Variants in DDAH1 observed in about 807,000 individuals in gnomAD.
The protein encoded by DDAH1 is dimethylarginine dimethylaminohydrolase 1, also known as N(G),N(G)-dimethylarginine dimethylaminohydrolase 1.
In DDAH1, 19 loss-of-function variants were observed where a neutral mutation model predicts 28.8. The observed-to-expected ratio is 0.66, with a 90% CI of 0.46 to 0.97. The LOEUF (loss-of-function observed/expected upper bound fraction) is 0.97. DDAH1 is among the 50% of genes least tolerant of loss of function. The pLI, the probability that DDAH1 is intolerant of heterozygous loss-of-function variation, is 0.00. For synonymous variants in DDAH1, 153 were observed against 154.4 expected, an observed-to-expected ratio of 0.99 and a Z score of 0.07; for missense variants, 326 against 375.9, an observed-to-expected ratio of 0.87 and a Z score of 1.10.
At chr1:85,465,643 T>C (rs1655350269), upstream of DDAH1, among the ~76,000 whole-genome samples, 1 of 152,204 alleles carries the variant, frequency 6.6e-6, no homozygotes, top group Non-Finnish European at 1.5e-5. Context: ...TTTTCTGGCC[T>C]TACCTAAAGT....
At chr1:85,578,007 C>G in exon 1 of DDAH1, 1 of 985,496 alleles carries the variant, frequency 1.0e-6, no homozygotes, top group African/African-American at 1.7e-5. Flanking sequence ...CACATTTCGC[C>G]TCCTGTCCGT....
intron 1 of DDAH1, among the ~76,000 whole-genome samples, chr1:85,461,833 G>T (rs74435768): frequency 6.6e-6 from 1 of 152,240 alleles, no homozygotes; most frequent in Non-Finnish European, 1.5e-5. Context: ...AGTTTATAGC[G>T]TTTTAGGAGC....
chr1:85,428,424 AAG>A (rs1281779036), intron 1 of DDAH1, among the ~76,000 whole-genome samples: 6 of 152,066 alleles, frequency 3.9e-5, no homozygotes, highest in Admixed American at 2.0e-4. Flanking sequence ...CAGAACTCAT[AAG>A]ACTTATTCAT....
chr1:85,369,018 G>A (rs945248819), intron 1 of DDAH1, among the ~76,000 whole-genome samples: 3 of 149,998 alleles, frequency 2.0e-5, no homozygotes, highest in Non-Finnish European at 4.4e-5. Flanking sequence ...CTGGGTCAGA[G>A]ATTCCTTCTG....
intron 1 of DDAH1, among the ~76,000 whole-genome samples, chr1:85,548,124 T>A (rs918354001): frequency 1.3e-5 from 2 of 152,240 alleles, no homozygotes; most frequent in African/African-American, 4.8e-5. Context: ...CAAAATATAT[T>A]TAATTTGACT....
chr1:85,541,471 A>T (rs548825526), intron 1 of DDAH1, among the ~76,000 whole-genome samples: 11 of 152,286 alleles, frequency 7.2e-5, no homozygotes, highest in African/African-American at 2.4e-4. Flanking sequence ...TTATTTTTTT[A>T]AAAAAGTACT....
chr1:85,527,832 T>C (rs1219639762), intron 1 of DDAH1, among the ~76,000 whole-genome samples: 2 of 152,216 alleles, frequency 1.3e-5, no homozygotes, highest in Admixed American at 6.5e-5. Flanking sequence ...AAGTTCTATT[T>C]TGAATTACAT....
intron 1 of DDAH1, among the ~76,000 whole-genome samples, chr1:85,439,094 A>G (rs528283651): frequency 4.6e-5 from 7 of 152,236 alleles, no homozygotes; most frequent in Non-Finnish European, 1.0e-4. Flanking sequence ...AGCTGATAAA[A>G]ATGCTTAATT....
At chr1:85,569,712 C>A (rs1430477786) in intron 1 of DDAH1, among the ~76,000 whole-genome samples, 1 of 152,188 alleles carries the variant, frequency 6.6e-6, no homozygotes, top group East Asian at 1.9e-4. Flanking sequence ...TTCTCCTGAA[C>A]TGGGACTCAA....
rs774444220 is a variant in DDAH1, at chr1:85,464,827, G to A, written c.219C>T (p.Asp73=). Residue 73 remains aspartate (D), a synonymous_variant, in exon 1 of 6, where the codon GAC becomes GAT. Coordinates refer to ENST00000284031, the MANE Select transcript of DDAH1 (RefSeq NM_012137.4). The surrounding 1 kb of genome is among the most constrained non-coding windows in gnomAD (Gnocchi z 4.4). ...VELPADESLP[D]CVFVEDVAVV... is the part of the protein sequence containing the mutation. ...CGGCCACGTCCTCCACGAAGACGCA[G>A]TCCGGAAGGCTCTCGTCGGCCGGCA... The A allele has an allele frequency of 5.0e-6, 8 of 1,589,006 alleles. No homozygotes were observed. Among genetic ancestry groups the A allele is most frequent in the South Asian group, 2.2e-5 (2 of 89,206 alleles).
At chr1:85,321,778 C>G (rs1291746902) in intron 5 of DDAH1, among the ~76,000 whole-genome samples, 2 of 152,124 alleles carry the variant, frequency 1.3e-5, no homozygotes, top group Non-Finnish European at 2.9e-5. Context: ...AACCTCAAGG[C>G]CAAAGATGTG....
intron 2 of DDAH1, 77 bp from the exon 3 acceptor site, chr1:85,351,656 G>T: frequency 1.8e-6 from 2 of 1,087,578 alleles, no homozygotes; most frequent in South Asian, 2.5e-5. Context: ...TATAAATAAT[G>T]ACCTTAAAGC....
At position 85,370,544 on chromosome 1, in the gene DDAH1, G is replaced by T. The variant is rs557381136; in HGVS notation, c.304-11697C>A. On this transcript the variant is annotated intron_variant, in intron 1 of 5. Transcript: ENST00000284031. ...CTGGATAGCTGCTTTGTGGAAAATG[G>T]ATTGGAAGGCACAAATGGAAACAGG... is the stretch of plus-strand genomic sequence containing the variant. Among the ~76,000 whole-genome samples, 3 of 152,294 alleles carry T rather than the reference G, an allele frequency of 2.0e-5. No homozygotes were observed. In the East Asian group the frequency reaches 5.8e-4, roughly 29 times the overall value.
intron 2 of DDAH1, among the ~76,000 whole-genome samples, chr1:85,489,361 T>A (rs566890903): frequency 4.9e-4 from 75 of 152,228 alleles, no homozygotes; most frequent in African/African-American, 1.7e-3. Flanking sequence ...TGAAATTAGA[T>A]TCAGGGATAA....
At chr1:85,550,218 G>A (rs1241291371) in intron 1 of DDAH1, among the ~76,000 whole-genome samples, 1 of 152,100 alleles carries the variant, frequency 6.6e-6, no homozygotes, top group East Asian at 1.9e-4. Flanking sequence ...AAGACCTAAT[G>A]ACCTGTCTAG....
chr1:85,344,917 T>TG (rs1648747226), intron 4 of DDAH1, among the ~76,000 whole-genome samples: 1 of 152,112 alleles, frequency 6.6e-6, no homozygotes, highest in African/African-American at 2.4e-5. Flanking sequence ...TCATGTAGAA[T>TG]GGTAAAGCAG....
At chr1:85,554,580 G>T (rs932405426) in intron 1 of DDAH1, among the ~76,000 whole-genome samples, 1 of 152,088 alleles carries the variant, frequency 6.6e-6, no homozygotes, top group African/African-American at 2.4e-5. Context: ...TCTACTTTTA[G>T]AATAAAGTCA....
intron 1 of DDAH1, among the ~76,000 whole-genome samples, chr1:85,463,901 C>T (rs1655236593): frequency 6.6e-6 from 1 of 152,176 alleles, no homozygotes; most frequent in South Asian, 2.1e-4. Flanking sequence ...TTTGTCTCTC[C>T]CCACTAACCT....
At chr1:85,490,298 C>G (rs1226467776) in intron 2 of DDAH1, among the ~76,000 whole-genome samples, 1 of 152,190 alleles carries the variant, frequency 6.6e-6, no homozygotes, top group African/African-American at 2.4e-5. Flanking sequence ...GAATTGAGGG[C>G]TGAACTGACA....
Sources: gnomAD v4.1 joint callset for allele counts (sites outside exome capture counted in the v4.1 genomes callset) on GRCh38, gnomAD v4.1.1 for gene constraint, Gnocchi (gnomAD v3.1) non-coding constraint, MANE v1.5 for transcripts, NCBI Gene and HGNC (gene_info 2026-07-23, HGNC 2026-07-21) for gene names.